Variants in SULF2 observed in about 807,000 individuals in gnomAD.
SULF2 encodes extracellular sulfatase Sulf-2.
SULF2 carries 52 observed loss-of-function variants against 107.7 expected under a neutral mutation model. That is an observed-to-expected ratio of 0.48 (90% CI 0.39 to 0.61). The LOEUF (loss-of-function observed/expected upper bound fraction) is 0.61, where lower values mean the gene tolerates loss of function less well. SULF2 is among the 20% of genes least tolerant of loss of function. The probability of loss-of-function intolerance (pLI) is 0.00; values close to 1 mark genes in which losing one functional copy is unlikely to be tolerated. For missense variants in SULF2, 993 were observed against 1,177.3 expected, an observed-to-expected ratio of 0.84 and a Z score of 2.29; for synonymous variants, 460 against 464.3, an observed-to-expected ratio of 0.99 and a Z score of 0.12.
At chr20:47,723,924 C>T (rs2146711890) in intron 3 of SULF2, among the ~76,000 whole-genome samples, 1 of 152,338 alleles carries the variant, frequency 6.6e-6, no homozygotes, top group African/African-American at 2.4e-5. Flanking sequence ...AAACTGTCTT[C>T]CACGAAACCG....
intron 18 of SULF2, among the ~76,000 whole-genome samples, chr20:47,660,109 A>C (rs963950000): frequency 1.8e-4 from 28 of 152,216 alleles, no homozygotes; most frequent in African/African-American, 6.5e-4. Context: ...GCTCTGGGGA[A>C]GTTTTCCCGA....
intron 3 of SULF2, among the ~76,000 whole-genome samples, chr20:47,727,902 A>G (rs187985512): frequency 6.6e-6 from 1 of 152,370 alleles, no homozygotes; most frequent in Admixed American, 6.5e-5. Flanking sequence ...AGAGAAAGGA[A>G]GTGACTATCA....
At chr20:47,703,608 T>C (rs1274327653) in intron 3 of SULF2, among the ~76,000 whole-genome samples, 1 of 152,236 alleles carries the variant, frequency 6.6e-6, no homozygotes, top group Admixed American at 6.5e-5. Context: ...TTTGGCTGTG[T>C]CTGCTAAATT....
chr20:47,663,060 T>C lies in SULF2; in HGVS notation c.2370+10A>G. 1 of 1,613,984 alleles carries C rather than the reference T, an allele frequency of 6.2e-7. No individual in the cohort carries two copies. The highest frequency in any genetic ancestry group is 8.5e-7 in the Non-Finnish European group (1 of 1,179,968). On this transcript the variant is annotated intron_variant, in intron 17 of 20. Coordinates refer to ENST00000688720, the MANE Select transcript of SULF2 (RefSeq NM_001387048.1). ...CACACCCCCATCCCTCTAGCTCGGG[T>C]TGCCTGTACCTGGTAGGGGTCTGTG...
In SULF2 at chr20:47,737,652, G is replaced by A. The variant is rs570224058; in HGVS notation, c.176-710C>T. Among the ~76,000 whole-genome samples, 9 of 152,040 alleles carry A rather than the reference G, an allele frequency of 5.9e-5. No individual in the cohort carries two copies. The South Asian group carries it at 1.0e-3, about 18-fold the overall frequency. ...TAGGGAGCCTCTGGCACCACCCTGG[G>A]CTTGAGAGCTCTGAGCAGTCTTGCA... On this transcript the variant is annotated intron_variant, in intron 2 of 20. Coordinates refer to ENST00000688720, the MANE Select transcript of SULF2 (RefSeq NM_001387048.1).
intron 3 of SULF2, among the ~76,000 whole-genome samples, chr20:47,712,862 T>C (rs1489180520): frequency 3.9e-5 from 6 of 152,272 alleles, no homozygotes; most frequent in Admixed American, 6.5e-5. Flanking sequence ...GGAGAAGCCC[T>C]GTCTCTACCA....
chr20:47,662,444 A>G (rs973943399), intron 17 of SULF2, among the ~76,000 whole-genome samples: 1 of 152,190 alleles, frequency 6.6e-6, no homozygotes, highest in East Asian at 1.9e-4. Context: ...TAAACATCAG[A>G]TTTCATTTAA....
At chr20:47,662,843 T>C (rs2087122552) in intron 17 of SULF2, among the ~76,000 whole-genome samples, 1 of 117,828 alleles carries the variant, frequency 8.5e-6, no homozygotes, top group African/African-American at 2.6e-5. Context: ...AAGCCATATA[T>C]ATTACACACG....
chr20:47,676,819 T>C (rs2146470210), intron 9 of SULF2, 196 bp from the exon 10 acceptor site: 2 of 682,530 alleles, frequency 2.9e-6, no homozygotes, highest in Non-Finnish European at 2.4e-6. Flanking sequence ...ACTTCCCAAA[T>C]TGCATGAGTT....
At chr20:47,676,020 C>T (rs1056115538) in intron 10 of SULF2, among the ~76,000 whole-genome samples, 3 of 152,258 alleles carry the variant, frequency 2.0e-5, no homozygotes, top group East Asian at 3.9e-4. Flanking sequence ...GCATGAGCCA[C>T]GGACTGTTCC....
intron 4 of SULF2, among the ~76,000 whole-genome samples, chr20:47,701,329 C>G (rs906296721): frequency 6.6e-6 from 1 of 152,148 alleles, no homozygotes; most frequent in Non-Finnish European, 1.5e-5. Flanking sequence ...ATGTCTTGAT[C>G]GGAGCCGCGG....
intron 3 of SULF2, among the ~76,000 whole-genome samples, chr20:47,736,197 G>A (rs1469878342): frequency 6.6e-6 from 1 of 152,088 alleles, no homozygotes; most frequent in Non-Finnish European, 1.5e-5. Flanking sequence ...AGGATGACAC[G>A]GGTGAGTGTG....
chr20:47,701,441 C>A (rs1415140045), intron 4 of SULF2, among the ~76,000 whole-genome samples: 2 of 152,204 alleles, frequency 1.3e-5, no homozygotes, highest in African/African-American at 4.8e-5. Flanking sequence ...TGCATGTTAC[C>A]TCATGTCAAT....
Position 47,666,421 on chromosome 20 carries a change from C to T in SULF2, c.1644G>A (p.Val548=), listed in dbSNP as rs747481156. 1 of 1,613,914 alleles carries T rather than the reference C, an allele frequency of 6.2e-7. No individual in the cohort carries two copies. The change falls in exon 12 of 21, where the codon GTG becomes GTA. Residue 548 remains valine (V), a synonymous_variant. Transcript: ENST00000688720. The surrounding 1 kb of genome is among the most constrained non-coding windows in gnomAD (Gnocchi z 5.4). ...CGGCATCACCCAGGCCTACGTGGTA[C>T]ACCCTGCCGTCCACCTCGATGGCCA... The part of the protein sequence containing the change: ...RSVAIEVDGR[V]YHVGLGDAAQ...
intron 3 of SULF2, among the ~76,000 whole-genome samples, chr20:47,705,399 A>C (rs899626572): frequency 6.6e-6 from 1 of 152,186 alleles, no homozygotes; most frequent in African/African-American, 2.4e-5. Context: ...AGTGAAATGT[A>C]ATTAGGTGGT....
intron 1 of SULF2, among the ~76,000 whole-genome samples, chr20:47,770,506 G>C (rs1246814082): frequency 6.6e-6 from 1 of 152,234 alleles, no homozygotes; most frequent in East Asian, 1.9e-4. Context: ...ATTGTTCAGT[G>C]AATGAATGAA....
intron 2 of SULF2, among the ~76,000 whole-genome samples, chr20:47,748,016 G>T (rs1188828007): frequency 6.6e-6 from 1 of 152,046 alleles, no homozygotes; most frequent in Non-Finnish European, 1.5e-5. Flanking sequence ...CTTGTCCCTG[G>T]GCCACCCTCT....
chr20:47,719,202 G>A (rs1315309720), intron 3 of SULF2, among the ~76,000 whole-genome samples: 1 of 152,186 alleles, frequency 6.6e-6, no homozygotes, highest in Non-Finnish European at 1.5e-5. Context: ...TTAAATAACT[G>A]CTTCATCGTG....
chr20:47,713,286 C>G (rs140521794), intron 3 of SULF2, among the ~76,000 whole-genome samples: 1 of 152,092 alleles, frequency 6.6e-6, no homozygotes, highest in Admixed American at 6.5e-5. Flanking sequence ...AGGCATCTAT[C>G]GGGCAGAGGC....
Sources: allele counts gnomAD v4.1 joint callset (sites outside exome capture counted in the v4.1 genomes callset), GRCh38; gene constraint gnomAD v4.1.1; non-coding constraint Gnocchi (gnomAD v3.1); transcripts MANE v1.5; gene names NCBI Gene and HGNC (gene_info 2026-07-23, HGNC 2026-07-21).